Variants in TXNDC15 observed in about 807,000 individuals in gnomAD.
TXNDC15 encodes thioredoxin domain-containing protein 15.
In TXNDC15, 24 loss-of-function variants were observed where a neutral mutation model predicts 35.0. The observed-to-expected ratio is 0.68, with a 90% confidence interval of 0.50 to 0.96. The LOEUF is 0.96. TXNDC15 is among the 40% of genes least tolerant of loss of function. The pLI, the probability that TXNDC15 is intolerant of heterozygous loss-of-function variation, is 0.00. For missense variants in TXNDC15, 385 were observed against 453.3 expected (o/e 0.85, Z 1.37); for synonymous variants, 169 against 174.0 (o/e 0.97, Z 0.23).
chr5:134,876,815 A>G (rs1201338217), intron 1 of TXNDC15, among the ~76,000 whole-genome samples: 1 of 151,410 alleles, frequency 6.6e-6, no homozygotes, highest in Non-Finnish European at 1.5e-5. Flanking sequence ...AGACTAAGCA[A>G]CCTGGAGGTA....
At chr5:134,895,199 T>C (rs1750466357) in intron 3 of TXNDC15, among the ~76,000 whole-genome samples, 1 of 152,096 alleles carries the variant, frequency 6.6e-6, no homozygotes, top group South Asian at 2.1e-4. Context: ...AAAAATTGTA[T>C]TCCACTGATT....
chr5:134,896,157 A>C, intron 3 of TXNDC15, 137 bp from the exon 4 acceptor site: 2 of 1,084,390 alleles, frequency 1.8e-6, no homozygotes, highest in Non-Finnish European at 1.3e-6. Context: ...GAAAAAGCCA[A>C]AAGTTTCAAG....
At chr5:134,889,477 G>C (rs1356563184) in intron 2 of TXNDC15, among the ~76,000 whole-genome samples, 1 of 152,222 alleles carries the variant, frequency 6.6e-6, no homozygotes, top group Admixed American at 6.5e-5. Context: ...GCCCTCTTTG[G>C]CCTCCCAGAG....
intron 4 of TXNDC15, among the ~76,000 whole-genome samples, chr5:134,896,707 G>A (rs1205112587): frequency 1.4e-5 from 2 of 145,226 alleles, no homozygotes; most frequent in Middle Eastern, 6.7e-3. Flanking sequence ...GCAGTGGTGC[G>A]ATCTTGGCTC....
At chr5:134,874,307 C>G (rs550915137), upstream of TXNDC15, 5 of 767,958 alleles carry the variant, frequency 6.5e-6, no homozygotes, top group Admixed American at 1.3e-4. Flanking sequence ...GCCACAGCTG[C>G]CAGGTGTTAA....
chr5:134,885,321 T>C (rs772893849), intron 1 of TXNDC15, among the ~76,000 whole-genome samples: 5 of 152,234 alleles, frequency 3.3e-5, no homozygotes. Flanking sequence ...AAGCTGTTAT[T>C]TTCTTTAGGG....
At chr5:134,887,094 G>A (rs1750290425) in intron 1 of TXNDC15, among the ~76,000 whole-genome samples, 2 of 152,250 alleles carry the variant, frequency 1.3e-5, no homozygotes, top group Non-Finnish European at 2.9e-5. Flanking sequence ...GAACTGGAAT[G>A]TTTTTGGTTA....
intron 1 of TXNDC15, among the ~76,000 whole-genome samples, chr5:134,881,863 G>T (rs1388581739): frequency 6.6e-6 from 1 of 150,816 alleles, no homozygotes; most frequent in Admixed American, 6.6e-5. Context: ...GCCAGGCAGA[G>T]GGGCTCCTCA....
intron 1 of TXNDC15, among the ~76,000 whole-genome samples, chr5:134,879,519 G>A (rs1750099593): frequency 6.6e-6 from 1 of 152,108 alleles, no homozygotes; most frequent in Admixed American, 6.6e-5. Flanking sequence ...TCTTGTGGCT[G>A]ACACAGAAAA....
At chr5:134,884,797 G>C (rs1034748137) in intron 1 of TXNDC15, among the ~76,000 whole-genome samples, 1 of 152,104 alleles carries the variant, frequency 6.6e-6, no homozygotes, top group Non-Finnish European at 1.5e-5. Context: ...AGTGTGGCTT[G>C]ATTGATTATT....
At chr5:134,877,469 G>A (rs1580856401) in intron 1 of TXNDC15, among the ~76,000 whole-genome samples, 1 of 152,298 alleles carries the variant, frequency 6.6e-6, no homozygotes, top group South Asian at 2.1e-4. Context: ...GTCTGGAGGG[G>A]GGATAGCAGG....
rs144119590 is a variant in TXNDC15 at position 134,884,866 on chromosome 5, C to G, written c.104-2829C>G. 3.8e-3 allele frequency among the ~76,000 whole-genome samples: 568 copies of G among 151,192 alleles called. 5 individuals carry two copies. Among genetic ancestry groups the G allele is most frequent in the African/African-American group, 0.013 (547 of 41,242 alleles). On this transcript the variant is annotated intron_variant, in intron 1 of 4. Coordinates refer to ENST00000358387, the MANE Select transcript of TXNDC15 (RefSeq NM_024715.4). ...ATGTCTGATAATTTTTTACTGGATGCCAGACATGAATTTTACTTTGTTGAA... is the reference window on the plus strand; with the variant it reads ...ATGTCTGATAATTTTTTACTGGATGGCAGACATGAATTTTACTTTGTTGAA...
chr5:134,888,797 A>G (rs1366839916), intron 2 of TXNDC15, among the ~76,000 whole-genome samples: 1 of 152,082 alleles, frequency 6.6e-6, no homozygotes, highest in African/African-American at 2.4e-5. Flanking sequence ...TCTTCTTCCA[A>G]ATGAAGTATT....
At chr5:134,878,379 TTTC>T (rs1362103023) in intron 1 of TXNDC15, among the ~76,000 whole-genome samples, 2 of 152,208 alleles carry the variant, frequency 1.3e-5, no homozygotes, top group Non-Finnish European at 2.9e-5. Flanking sequence ...GCCTCATAAT[TTTC>T]TACATTTTGG....
chr5:134,881,149 T>TAG (rs1750134192), intron 1 of TXNDC15, among the ~76,000 whole-genome samples: 1 of 149,072 alleles, frequency 6.7e-6, no homozygotes, highest in Non-Finnish European at 1.5e-5. Flanking sequence ...TTTTCCTGTG[T>TAG]GTTTCATTTT....
chr5:134,876,732 GTTTTTTTTTT>G (rs532547885), intron 1 of TXNDC15, among the ~76,000 whole-genome samples: 1 of 131,034 alleles, frequency 7.6e-6, no homozygotes, highest in Admixed American at 7.7e-5. Flanking sequence ...AATCTGAGGT[GTTTTTTTTTT>G]TTTTTTTTCT....
intron 3 of TXNDC15, among the ~76,000 whole-genome samples, chr5:134,895,543 A>G (rs570849203): frequency 1.3e-5 from 2 of 152,294 alleles, no homozygotes; most frequent in Admixed American, 1.3e-4. Context: ...CTGTTATTAT[A>G]TGGGCTGGGA....
chr5:134,874,216 G>T, upstream of TXNDC15: 2 of 531,946 alleles, frequency 3.8e-6, no homozygotes, highest in Non-Finnish European at 6.6e-6. Context: ...AACGTCTGGC[G>T]CTTAGCTCCT....
At position 134,888,076 on chromosome 5, in the gene TXNDC15, A is replaced by G. The variant is rs1300617617; in HGVS notation, c.485A>G (p.Glu162Gly). The G allele has an allele frequency of 6.2e-7, 1 of 1,614,210 alleles. No homozygotes were observed. The highest frequency in any genetic ancestry group is 2.2e-5 in the East Asian group (1 of 44,896). The change falls in exon 2 of 5, where the codon GAG (glutamate) becomes GGG (glycine). Residue 162 changes from glutamate (E) to glycine (G), a missense_variant. Transcript: ENST00000358387. ...GCGGAATCTGACGCAGCCCCGACAG[A>G]GGACTCCAATAACACTGAAAGTCTG... ...EVAESDAAPT[E>G]DSNNTESLKS...
Sources: allele counts gnomAD v4.1 joint callset (sites outside exome capture counted in the v4.1 genomes callset), GRCh38; gene constraint gnomAD v4.1.1; transcripts MANE v1.5; gene names NCBI Gene and HGNC (gene_info 2026-07-23, HGNC 2026-07-21).